KCTD16: variants seen among roughly 807,000 people sequenced by gnomAD.
The protein encoded by KCTD16 is BTB/POZ domain-containing protein KCTD16.
KCTD16 carries 13 observed loss-of-function variants against 33.2 expected under a neutral mutation model. That is an observed-to-expected ratio of 0.39 (90% confidence interval 0.25 to 0.62). KCTD16 has a LOEUF of 0.62. Among genes scored for constraint, KCTD16 ranks in the 20% least tolerant of loss-of-function variants. The pLI is 0.50. For synonymous variants in KCTD16, 197 were observed against 195.3 expected (o/e 1.01, Z -0.07); for missense variants, 441 against 525.1 (o/e 0.84, Z 1.57).
intron 3 of KCTD16, among the ~76,000 whole-genome samples, chr5:144,286,733 A>G (rs984444926): frequency 6.6e-6 from 1 of 152,116 alleles, no homozygotes; most frequent in African/African-American, 2.4e-5. Context: ...AATTTTAAGA[A>G]TATTGCAAAG....
intron 2 of KCTD16, among the ~76,000 whole-genome samples, chr5:144,185,062 C>G (rs1000033662): frequency 1.3e-5 from 2 of 152,152 alleles, no homozygotes; most frequent in African/African-American, 2.4e-5. Flanking sequence ...TAATTTACTC[C>G]TCAAAACTTC....
At chr5:144,318,224 T>C (rs1178336394) in intron 3 of KCTD16, among the ~76,000 whole-genome samples, 1 of 152,146 alleles carries the variant, frequency 6.6e-6, no homozygotes, top group Admixed American at 6.5e-5. Flanking sequence ...TGTTCAAACC[T>C]TTGTTATTAC....
intron 3 of KCTD16, among the ~76,000 whole-genome samples, chr5:144,431,416 T>G (rs1753459611): frequency 6.6e-6 from 1 of 152,196 alleles, no homozygotes; most frequent in South Asian, 2.1e-4. Flanking sequence ...CTATGTCAGC[T>G]GTAGTGCTTT....
intron 3 of KCTD16, among the ~76,000 whole-genome samples, chr5:144,237,659 C>T (rs575148581): frequency 6.6e-6 from 1 of 152,132 alleles, no homozygotes; most frequent in South Asian, 2.1e-4. Context: ...AAACAAAAAA[C>T]AAAAACACCA....
At chr5:144,212,367 T>C (rs1353202103) in intron 3 of KCTD16, among the ~76,000 whole-genome samples, 2 of 152,144 alleles carry the variant, frequency 1.3e-5, no homozygotes, top group South Asian at 2.1e-4. Flanking sequence ...AAATAGTTTC[T>C]TCCTGGGTCT....
intron 3 of KCTD16, among the ~76,000 whole-genome samples, chr5:144,299,783 A>G (rs1751374004): frequency 6.6e-6 from 1 of 151,760 alleles, no homozygotes; most frequent in East Asian, 1.9e-4. Context: ...ATCTTTATGG[A>G]GGGTAAAATT....
At chr5:144,398,222 A>G (rs918626228) in intron 3 of KCTD16, among the ~76,000 whole-genome samples, 6 of 152,182 alleles carry the variant, frequency 3.9e-5, no homozygotes, top group Non-Finnish European at 8.8e-5. Context: ...GTGACTAGGT[A>G]CTTTTCTAAC....
intron 3 of KCTD16, among the ~76,000 whole-genome samples, chr5:144,368,899 T>G (rs1468451253): frequency 6.6e-6 from 1 of 152,158 alleles, no homozygotes; most frequent in Non-Finnish European, 1.5e-5. Context: ...TTCAAAATAA[T>G]AGAGTTTAGT....
At chr5:144,289,965 TA>T (rs1276809988) in intron 3 of KCTD16, among the ~76,000 whole-genome samples, 4 of 152,156 alleles carry the variant, frequency 2.6e-5, no homozygotes, top group Non-Finnish European at 2.9e-5. Flanking sequence ...ACATTTTAAA[TA>T]AACATTTATT....
rs969321346 is a variant in KCTD16 at position 144,475,860 on chromosome 5, C to A, written c.*1746C>A. On this transcript the variant is annotated 3_prime_UTR_variant, in exon 4 of 4. Transcript: ENST00000512467. The stretch of plus-strand genomic sequence containing the variant: ...AATATCTTTCTGAATTTTTGTAATT[C>A]TCGCCTTCACACTAGGATGACAGAC... 1 of 152,264 alleles carries A rather than the reference C, an allele frequency of 6.6e-6. No homozygotes were observed. Among genetic ancestry groups the A allele is most frequent in the African/African-American group, 2.4e-5 (1 of 41,412 alleles). 9.4% of individuals were successfully genotyped at this position (152,264 alleles called of 1,614,324 possible).
At chr5:144,333,352 A>G (rs957592115) in intron 3 of KCTD16, among the ~76,000 whole-genome samples, 1 of 152,180 alleles carries the variant, frequency 6.6e-6, no homozygotes, top group Non-Finnish European at 1.5e-5. Flanking sequence ...GTTTTTGACA[A>G]TGTGGCTGTT....
At chr5:144,173,252 G>A (rs184683542) in intron 1 of KCTD16, among the ~76,000 whole-genome samples, 3 of 152,284 alleles carry the variant, frequency 2.0e-5, no homozygotes, top group African/African-American at 7.2e-5. Flanking sequence ...ATCATAGACT[G>A]GATAAAGAAA....
intron 3 of KCTD16, among the ~76,000 whole-genome samples, chr5:144,363,582 A>C (rs139778656): frequency 6.0e-4 from 92 of 152,074 alleles, no homozygotes; most frequent in Admixed American, 3.1e-3. Flanking sequence ...AATATGTGAT[A>C]AGTTCAAATG....
chr5:144,398,262 G>A (rs1368239011), intron 3 of KCTD16, among the ~76,000 whole-genome samples: 1 of 152,116 alleles, frequency 6.6e-6, no homozygotes, highest in African/African-American at 2.4e-5. Flanking sequence ...TCAGTAACAT[G>A]TTCACTACTA....
At chr5:144,342,764 G>A (rs1752680913) in intron 3 of KCTD16, among the ~76,000 whole-genome samples, 1 of 152,258 alleles carries the variant, frequency 6.6e-6, no homozygotes, top group African/African-American at 2.4e-5. Flanking sequence ...TCAATACCTA[G>A]TTTATTGAGA....
intron 3 of KCTD16, among the ~76,000 whole-genome samples, chr5:144,339,819 G>A (rs78231646): frequency 0.062 from 9,458 of 152,128 alleles, 338 homozygotes; most frequent in Middle Eastern, 0.12. Flanking sequence ...AATAAAATAC[G>A]CAGAAAGGCA....
chr5:144,255,357 AT>A (rs1014907489), intron 3 of KCTD16, among the ~76,000 whole-genome samples: 15 of 151,538 alleles, frequency 9.9e-5, no homozygotes, highest in East Asian at 3.9e-4. Flanking sequence ...TGTAAGTGGG[AT>A]TTTTTTTTAT....
chr5:144,325,789 GC>G (rs376506386), intron 3 of KCTD16, among the ~76,000 whole-genome samples: 93 of 152,190 alleles, frequency 6.1e-4, no homozygotes, highest in African/African-American at 2.2e-3. Context: ...CTCTTGACTT[GC>G]CTGTTTCCCC....
At chr5:144,176,614 G>A (rs569701473) in intron 2 of KCTD16, among the ~76,000 whole-genome samples, 1 of 151,676 alleles carries the variant, frequency 6.6e-6, no homozygotes, top group Non-Finnish European at 1.5e-5. Context: ...TTGTTAGCCA[G>A]GATGGTCTCG....
Sources: gnomAD v4.1 joint callset for allele counts (sites outside exome capture counted in the v4.1 genomes callset) on GRCh38, gnomAD v4.1.1 for gene constraint, MANE v1.5 for transcripts, NCBI Gene and HGNC (gene_info 2026-07-23, HGNC 2026-07-21) for gene names.